CERS6: variants seen among roughly 807,000 people sequenced by gnomAD.
The protein encoded by CERS6 is LAG1 homolog, ceramide synthase 6.
Under a neutral mutation model 56.8 loss-of-function variants are expected in CERS6, and 26 were observed. That is an observed-to-expected ratio of 0.46 (90% CI 0.34 to 0.63). The LOEUF (loss-of-function observed/expected upper bound fraction) is 0.63. Among genes scored for constraint, CERS6 ranks in the 30% least tolerant of loss-of-function variants. The pLI is 0.01. For synonymous variants in CERS6, 164 were observed against 173.3 expected, an observed-to-expected ratio of 0.95 and a Z score of 0.42; for missense variants, 415 against 467.5, an observed-to-expected ratio of 0.89 and a Z score of 1.04.
chr2:168,645,176 G>A (rs868660044), intron 4 of CERS6, among the ~76,000 whole-genome samples: 15 of 125,576 alleles, frequency 1.2e-4, no homozygotes, highest in African/African-American at 4.3e-4. Flanking sequence ...GAGAGAGAGA[G>A]AGAGAGAGAG....
In CERS6 at chr2:168,746,794, TATATATATATATATATATATATATATAA is replaced by T. The variant is rs1244411603; in HGVS notation, c.846-18796_846-18769del. 8.0e-5 allele frequency among the ~76,000 whole-genome samples: 8 copies of T among 99,968 alleles called. 1 individual carries two copies. The highest frequency in any genetic ancestry group is 2.4e-4 in the African/African-American group (6 of 24,860). 65.6% of individuals were successfully genotyped at this position (99,968 alleles called of 152,430 possible). The stretch of plus-strand genomic sequence containing the variant: ...TAAAGGGTATATATATATATATATA[TATATATATATATATATATATATATATAA>T]AATCATCTTTGAAAAAATGATTATA... On this transcript the variant is annotated intron_variant, in intron 8 of 9. Coordinates refer to ENST00000305747, the MANE Select transcript of CERS6 (RefSeq NM_203463.3).
chr2:168,631,604 TATA>T (rs1248972586), intron 4 of CERS6, among the ~76,000 whole-genome samples: 1 of 117,538 alleles, frequency 8.5e-6, no homozygotes, highest in East Asian at 2.2e-4. Context: ...ATATTAAATA[TATA>T]ATATATTTAA....
intron 1 of CERS6, among the ~76,000 whole-genome samples, chr2:168,526,557 A>G (rs547040469): frequency 2.8e-4 from 43 of 152,228 alleles, no homozygotes; most frequent in Non-Finnish European, 5.4e-4. Context: ...AAACAGCCAT[A>G]TGGTCCAGGT....
chr2:168,663,077 A>C (rs1481309865), intron 4 of CERS6, among the ~76,000 whole-genome samples: 1 of 152,120 alleles, frequency 6.6e-6, no homozygotes, highest in African/African-American at 2.4e-5. Flanking sequence ...GATCTTTAGG[A>C]GGTTTATGTT....
rs572689826 is a variant in CERS6 at position 168,545,082 on chromosome 2, C to T, written c.171-2514C>T. 5.9e-4 allele frequency among the ~76,000 whole-genome samples: 89 copies of T among 152,056 alleles called. 2 individuals are homozygous for T. In the South Asian group the frequency reaches 0.017, roughly 30 times the overall value. ...GACTCTATGATATGATTTTTAAATACATACATGTATTTGTAGAAACACATA... is the reference window on the plus strand; with the variant it reads ...GACTCTATGATATGATTTTTAAATATATACATGTATTTGTAGAAACACATA... On this transcript the variant is annotated intron_variant, in intron 1 of 9. Coordinates refer to ENST00000305747, the MANE Select transcript of CERS6 (RefSeq NM_203463.3).
At chr2:168,503,080 ATAG>A (rs1289941381) in intron 1 of CERS6, among the ~76,000 whole-genome samples, 1 of 151,986 alleles carries the variant, frequency 6.6e-6, no homozygotes, top group African/African-American at 2.4e-5. Context: ...TGCTTTTCTC[ATAG>A]TAGTGAGTGA....
chr2:168,654,605 A>G (rs1002631536), intron 4 of CERS6, among the ~76,000 whole-genome samples: 2 of 151,734 alleles, frequency 1.3e-5, no homozygotes, highest in African/African-American at 4.9e-5. Flanking sequence ...GGTAAGACCT[A>G]CAGAAGCACA....
intron 4 of CERS6, among the ~76,000 whole-genome samples, chr2:168,676,473 A>T (rs992237398): frequency 6.6e-6 from 1 of 152,236 alleles, no homozygotes; most frequent in African/African-American, 2.4e-5. Context: ...ATTATTAGCT[A>T]TTGGGAAGAT....
At chr2:168,512,439 A>T (rs1050440657) in intron 1 of CERS6, among the ~76,000 whole-genome samples, 4 of 152,072 alleles carry the variant, frequency 2.6e-5, no homozygotes, top group Non-Finnish European at 5.9e-5. Flanking sequence ...AAACCACTTC[A>T]TCATCTTTTT....
rs1687023095 is a variant in CERS6 at position 168,708,911 on chromosome 2, T to C, written c.610-6090T>C. On this transcript the variant is annotated intron_variant, in intron 6 of 9. Coordinates refer to ENST00000305747, the MANE Select transcript of CERS6 (RefSeq NM_203463.3). ...TTGGGGAACAGTTCCTGTTTATGTA[T>C]GTGTATGTATTATTTTTAATGAAAA... Among the ~76,000 whole-genome samples, 4 of 152,258 alleles carry C rather than the reference T, an allele frequency of 2.6e-5. No homozygotes were observed. The South Asian group carries it at 8.3e-4, about 32-fold the overall frequency.
intron 9 of CERS6, among the ~76,000 whole-genome samples, chr2:168,769,206 T>C (rs1167588541): frequency 6.6e-6 from 1 of 152,214 alleles, no homozygotes; most frequent in East Asian, 1.9e-4. Flanking sequence ...AGTGACACAG[T>C]ATGCTACTTT....
chr2:168,715,027 C>A lies in CERS6; in HGVS notation c.636C>A (p.His212Gln). The A allele has an allele frequency of 6.2e-7, 1 of 1,609,890 alleles. No homozygotes were observed. Among genetic ancestry groups the A allele is most frequent in the Non-Finnish European group, 8.5e-7 (1 of 1,178,028 alleles). ...RKDFGIMFLH[H>Q]LVSIFLITFS... is the part of the protein sequence containing the mutation. ...ACTTTGGCATTATGTTCCTGCACCACCTTGTATCTATTTTCTTGATTACCT... is the reference window on the plus strand; with the variant it reads ...ACTTTGGCATTATGTTCCTGCACCAACTTGTATCTATTTTCTTGATTACCT... Residue 212 changes from histidine (H) to glutamine (Q), a missense_variant, in exon 7 of 10, where the codon CAC (histidine) becomes CAA (glutamine). Physicochemically the swap from His to Gln is conservative, Grantham distance 24. Transcript: ENST00000305747.
chr2:168,564,997 C>T (rs1695859420), intron 3 of CERS6, among the ~76,000 whole-genome samples: 1 of 152,152 alleles, frequency 6.6e-6, no homozygotes, highest in Non-Finnish European at 1.5e-5. Flanking sequence ...TTGCTGATCA[C>T]ATTTGTCACT....
At chr2:168,599,173 G>A (rs188735026) in intron 3 of CERS6, among the ~76,000 whole-genome samples, 15 of 152,282 alleles carry the variant, frequency 9.9e-5, no homozygotes, top group Non-Finnish European at 8.8e-5. Flanking sequence ...AGGTTACCTT[G>A]CAGAGCATGG....
chr2:168,549,301 A>G (rs1220150303), intron 2 of CERS6, among the ~76,000 whole-genome samples: 1 of 152,138 alleles, frequency 6.6e-6, no homozygotes, highest in African/African-American at 2.4e-5. Context: ...TCCTCCATAA[A>G]GGTAATAAAA....
intron 1 of CERS6, among the ~76,000 whole-genome samples, chr2:168,540,561 G>A (rs1246831010): frequency 1.3e-5 from 2 of 152,136 alleles, no homozygotes; most frequent in East Asian, 3.8e-4. Flanking sequence ...CGTGTAGTAG[G>A]CCATACCATC....
At chr2:168,749,243 T>C (rs1684190997) in intron 8 of CERS6, among the ~76,000 whole-genome samples, 1 of 151,796 alleles carries the variant, frequency 6.6e-6, no homozygotes, top group Non-Finnish European at 1.5e-5. Context: ...ATATCAAATA[T>C]CATACTATTT....
chr2:168,768,866 G>A (rs1427368765), intron 9 of CERS6, among the ~76,000 whole-genome samples: 1 of 141,310 alleles, frequency 7.1e-6, no homozygotes, highest in East Asian at 2.1e-4. Flanking sequence ...GATCGCACCA[G>A]TGCACTCCAG....
intron 6 of CERS6, among the ~76,000 whole-genome samples, chr2:168,705,465 G>A (rs1433085779): frequency 6.6e-6 from 1 of 152,196 alleles, no homozygotes; most frequent in Non-Finnish European, 1.5e-5. Flanking sequence ...AATTCTGTAT[G>A]TTTGTGAGGG....
Sources: gnomAD v4.1 joint callset for allele counts (sites outside exome capture counted in the v4.1 genomes callset) on GRCh38, gnomAD v4.1.1 for gene constraint, MANE v1.5 for transcripts, NCBI Gene and HGNC (gene_info 2026-07-23, HGNC 2026-07-21) for gene names.